HDAC4: variants seen among roughly 807,000 people sequenced by gnomAD.
The protein encoded by HDAC4 is histone deacetylase A.
A neutral mutation model predicts 135.1 loss-of-function variants in HDAC4; 16 were observed. The ratio of observed to expected loss-of-function variants is 0.12; its 90% CI spans 0.08 to 0.18. The LOEUF (loss-of-function observed/expected upper bound fraction) is 0.18. Among genes scored for constraint, HDAC4 ranks in the 10% least tolerant of loss-of-function variants. HDAC4 has a pLI of 1.00. For missense variants in HDAC4, 1,143 were observed against 1,511.8 expected, an observed-to-expected ratio of 0.76 and a Z score of 4.05; for synonymous variants, 685 against 653.4, an observed-to-expected ratio of 1.05 and a Z score of -0.74.
intron 4 of HDAC4, among the ~76,000 whole-genome samples, chr2:239,182,271 C>T (rs3791543): frequency 0.085 from 12,929 of 152,242 alleles, 626 homozygotes; most frequent in East Asian, 0.16. Flanking sequence ...TGGCGAGCCC[C>T]TCCCCTCTGG....
intron 3 of HDAC4, among the ~76,000 whole-genome samples, chr2:239,207,904 C>T (rs1257271209): frequency 1.3e-5 from 2 of 152,084 alleles, no homozygotes; most frequent in African/African-American, 4.8e-5. Context: ...ATAAAAAAGA[C>T]AGAAAAATTA....
At chr2:239,337,156 C>A (rs1048550393) in intron 2 of HDAC4, among the ~76,000 whole-genome samples, 1 of 152,152 alleles carries the variant, frequency 6.6e-6, no homozygotes, top group South Asian at 2.1e-4. Context: ...TAACACACAC[C>A]CACTCCACTA....
chr2:239,216,232 A>G (rs1171168252), intron 3 of HDAC4, among the ~76,000 whole-genome samples: 1 of 152,170 alleles, frequency 6.6e-6, no homozygotes, highest in Non-Finnish European at 1.5e-5. Context: ...ACACATACTC[A>G]CATATGTACA....
intron 2 of HDAC4, among the ~76,000 whole-genome samples, chr2:239,252,810 G>GT (rs2048855088): frequency 6.6e-6 from 1 of 152,192 alleles, no homozygotes; most frequent in Admixed American, 6.5e-5. Context: ...CTTATCTTCT[G>GT]TTTAATAAAG....
chr2:239,182,493 A>G (rs1463070956), intron 4 of HDAC4, among the ~76,000 whole-genome samples: 1 of 152,234 alleles, frequency 6.6e-6, no homozygotes, highest in Non-Finnish European at 1.5e-5. Context: ...ATTCACAGGA[A>G]GGCAAAACTC....
intron 22 of HDAC4, chr2:239,080,840 A>C (rs1275123327): frequency 1.8e-6 from 1 of 558,614 alleles, no homozygotes; most frequent in Non-Finnish European, 3.2e-6. Flanking sequence ...TCACTCTCTC[A>C]CCATCGACCC....
chr2:239,168,721 G>A (rs1575271961), intron 5 of HDAC4, among the ~76,000 whole-genome samples: 3 of 152,206 alleles, frequency 2.0e-5, no homozygotes, highest in Non-Finnish European at 4.4e-5. Flanking sequence ...CTTGGGCCCC[G>A]CTTACATAAG....
intron 9 of HDAC4, among the ~76,000 whole-genome samples, chr2:239,137,446 T>A (rs577396786): frequency 6.6e-6 from 1 of 152,136 alleles, no homozygotes; most frequent in South Asian, 2.1e-4. Flanking sequence ...ACACTGGGCT[T>A]CCCTGGCCTG....
intron 4 of HDAC4, chr2:239,186,518 C>A (rs2153034291): frequency 6.6e-6 from 1 of 152,336 alleles, no homozygotes; most frequent in South Asian, 2.1e-4. Context: ...AAGAGAAAGG[C>A]AACCTTGAAC....
intron 24 of HDAC4, among the ~76,000 whole-genome samples, chr2:239,062,785 C>A: frequency 6.6e-6 from 1 of 152,252 alleles, no homozygotes; most frequent in Non-Finnish European, 1.5e-5. Context: ...TCACCCGCTG[C>A]AGGGATGCCA....
At chr2:239,363,997 G>A (rs753066703) in intron 1 of HDAC4, among the ~76,000 whole-genome samples, 9 of 152,134 alleles carry the variant, frequency 5.9e-5, no homozygotes, top group Non-Finnish European at 1.0e-4. Flanking sequence ...GCAGGGAAAC[G>A]CGATAAAGCC....
chr2:239,246,021 A>G (rs2048438886), intron 2 of HDAC4, among the ~76,000 whole-genome samples: 1 of 152,160 alleles, frequency 6.6e-6, no homozygotes, highest in Non-Finnish European at 1.5e-5. Context: ...CAGTCCCGCC[A>G]TGGGGTCTGC....
chr2:239,388,649 TGTGGGTTGGAGC>T (rs1326988278), intron 1 of HDAC4, among the ~76,000 whole-genome samples: 2 of 152,170 alleles, frequency 1.3e-5, no homozygotes, highest in Non-Finnish European at 2.9e-5. Context: ...TCCACCATCC[TGTGGGTTGGAGC>T]CCCCACCCCG....
At chr2:239,351,026 C>T (rs1412537571) in intron 2 of HDAC4, among the ~76,000 whole-genome samples, 1 of 152,096 alleles carries the variant, frequency 6.6e-6, no homozygotes, top group African/African-American at 2.4e-5. Flanking sequence ...CTGAACCTAC[C>T]CAGTGCTGGT....
chr2:239,158,885 A>G (rs1257014644), intron 6 of HDAC4, among the ~76,000 whole-genome samples: 1 of 151,972 alleles, frequency 6.6e-6, no homozygotes, highest in Admixed American at 6.6e-5. Context: ...TCCCTGCTGC[A>G]ATCACACCCG....
chr2:239,156,853 G>A lies in HDAC4; in HGVS notation c.612-80C>T, dbSNP rs543508809. On this transcript the variant is annotated intron_variant, in intron 6 of 26. Coordinates refer to ENST00000543185, the MANE Select transcript of HDAC4 (RefSeq NM_001378414.1). ...ATGCTGCAGCCGAGAAGCCACACAC[G>A]ATGATCTTTCCCTTGAAACCTCAGC... The A allele has an allele frequency of 8.3e-6, 13 of 1,557,204 alleles. No individual in the cohort carries two copies. In the East Asian group the frequency reaches 2.0e-4, roughly 24 times the overall value.
chr2:239,364,791 CCAGA>C (rs1694080230), intron 1 of HDAC4, among the ~76,000 whole-genome samples: 1 of 152,214 alleles, frequency 6.6e-6, no homozygotes, highest in African/African-American at 2.4e-5. Context: ...CCTGGACTTT[CCAGA>C]CAGTGAGGAA....
chr2:239,260,450 G>T (rs2049291887), intron 2 of HDAC4, among the ~76,000 whole-genome samples: 2 of 152,342 alleles, frequency 1.3e-5, no homozygotes, highest in Middle Eastern at 3.4e-3. Flanking sequence ...CTGGAGCAGG[G>T]TCTGTTTATT....
intron 24 of HDAC4, among the ~76,000 whole-genome samples, chr2:239,064,351 G>C (rs987741989): frequency 1.3e-5 from 2 of 152,236 alleles, no homozygotes; most frequent in South Asian, 4.1e-4. Flanking sequence ...GGGCGGGGGA[G>C]GGGCCCGGAG....
Sources: allele counts gnomAD v4.1 joint callset (sites outside exome capture counted in the v4.1 genomes callset), GRCh38; gene constraint gnomAD v4.1.1; transcripts MANE v1.5; gene names NCBI Gene and HGNC (gene_info 2026-07-23, HGNC 2026-07-21).